Variants in IFIT1B observed in about 807,000 individuals in gnomAD.
IFIT1B encodes protein IFIT1 homolog B.
In IFIT1B, 3 loss-of-function variants were observed where a neutral mutation model predicts 2.5. That is an observed-to-expected ratio of 1.21 (90% CI 0.55 to 3.14). IFIT1B has a LOEUF of 3.14. IFIT1B is among the 30% of genes most tolerant of loss of function. The pLI, the probability that IFIT1B is intolerant of heterozygous loss-of-function variation, is 0.03. For synonymous variants in IFIT1B, 196 were observed against 203.0 expected, an observed-to-expected ratio of 0.97 and a Z score of 0.29; for missense variants, 545 against 556.5, an observed-to-expected ratio of 0.98 and a Z score of 0.21.
At position 89,379,194 on chromosome 10, in the gene IFIT1B, T is replaced by C. The variant is rs187302031; in HGVS notation, c.5+1054T>C. Among the ~76,000 whole-genome samples the C allele has an allele frequency of 9.7e-4, 148 of 152,370 alleles. 2 individuals carry two copies. The highest frequency in any genetic ancestry group is 2.7e-3 in the Admixed American group (42 of 15,310). On this transcript the variant is annotated intron_variant, in intron 1 of 1. Coordinates refer to ENST00000371809, the MANE Select transcript of IFIT1B (RefSeq NM_001010987.2). ...TGTGAAACTATGAAATTGTGATTAC[T>C]ATGAAATTTGCTTTTCACTGAATTA...
At chr10:89,378,828 C>A (rs1844141026) in intron 1 of IFIT1B, among the ~76,000 whole-genome samples, 2 of 152,166 alleles carry the variant, frequency 1.3e-5, no homozygotes, top group African/African-American at 4.8e-5. Context: ...AGCAGCAATG[C>A]TCTTAAGGAA....
intron 1 of IFIT1B, among the ~76,000 whole-genome samples, chr10:89,380,725 G>A (rs570795580): frequency 6.6e-6 from 1 of 152,264 alleles, no homozygotes; most frequent in Middle Eastern, 3.4e-3. Flanking sequence ...TAGCCACCAC[G>A]CTGGGGCCTA....
chr10:89,379,036 C>A (rs929723085), intron 1 of IFIT1B, among the ~76,000 whole-genome samples: 2 of 152,088 alleles, frequency 1.3e-5, no homozygotes, highest in Non-Finnish European at 2.9e-5. Flanking sequence ...TTTTAGGCAT[C>A]CAGGTGAGAA....
chr10:89,380,900 G>T (rs374587352), intron 1 of IFIT1B, among the ~76,000 whole-genome samples: 3 of 152,330 alleles, frequency 2.0e-5, no homozygotes, highest in African/African-American at 2.4e-5. Flanking sequence ...GAAGATACAT[G>T]TTGATGAACA....
chr10:89,383,911 G>C lies in IFIT1B; in HGVS notation c.598G>C (p.Ala200Pro). ...TAACACAGCATCAGGGAGGAATAAG[G>C]CATTTTCTCTGCACGTCCTAAAACG... ...KFNTASGRNK[A>P]FSLHVLKRAV... is the part of the protein sequence containing the mutation. The change falls in exon 2 of 2, where the codon GCA (alanine) becomes CCA (proline). Residue 200 changes from alanine to proline, a missense_variant. By Grantham distance (27) the Ala-to-Pro change is conservative. Transcript: ENST00000371809. 6.2e-7 allele frequency: 1 copy of C among 1,614,166 alleles called. No individual in the cohort carries two copies. Among genetic ancestry groups the C allele is most frequent in the Non-Finnish European group, 8.5e-7 (1 of 1,180,036 alleles).
rs751615023 is a variant in IFIT1B, at chr10:89,378,133, A to G, written c.-3A>G. 1.3e-4 allele frequency: 202 copies of G among 1,613,954 alleles called. No homozygotes were observed. Among genetic ancestry groups the G allele is most frequent in the Admixed American group, 2.5e-4 (15 of 60,004 alleles). On this transcript the variant is annotated 5_prime_UTR_variant, in exon 1 of 2. Transcript: ENST00000371809. The stretch of plus-strand genomic sequence containing the variant: ...ACAGATCACCTGCTATCTTCATAGC[A>G]CCATGAGGTAAAGTCTTTCTCTGCT...
At position 89,383,364 on chromosome 10, in the gene IFIT1B, G is replaced by A. The variant is rs1396438998; in HGVS notation, c.51G>A (p.Leu17=). 1 of 1,614,068 alleles carries A rather than the reference G, an allele frequency of 6.2e-7. No homozygotes were observed. The change falls in exon 2 of 2, where the codon CTG becomes CTA. Residue 17 remains leucine (L), a synonymous_variant. Transcript: ENST00000371809. ...TTATTGAAGACAGCCTGATTCAGCT[G>A]AGATGTCACTTTACATGGAAGTTGT... The part of the protein sequence containing the change: ...GKLIEDSLIQ[L]RCHFTWKLLI...
At chr10:89,382,748 T>C (rs1844172971) in intron 1 of IFIT1B, among the ~76,000 whole-genome samples, 1 of 152,256 alleles carries the variant, frequency 6.6e-6, no homozygotes, top group Non-Finnish European at 1.5e-5. Context: ...GTTGAGTAAG[T>C]GCACACAGGC....
intron 1 of IFIT1B, among the ~76,000 whole-genome samples, chr10:89,382,140 G>GTTATA (rs754137539): frequency 1.3e-5 from 2 of 151,810 alleles, no homozygotes; most frequent in Non-Finnish European, 2.9e-5. Flanking sequence ...TTAGATTATG[G>GTTATA]TTATATTATA....
At chr10:89,383,187 C>G in intron 1 of IFIT1B, 132 bp from the exon 2 acceptor site, 1 of 773,308 alleles carries the variant, frequency 1.3e-6, no homozygotes. Context: ...GACTGTAGAA[C>G]CCAGAGGGGC....
At chr10:89,381,367 T>G (rs1370994134) in intron 1 of IFIT1B, among the ~76,000 whole-genome samples, 2 of 152,088 alleles carry the variant, frequency 1.3e-5, no homozygotes, top group Non-Finnish European at 2.9e-5. Flanking sequence ...AATATTAATT[T>G]TACTTACTCC....
At chr10:89,380,481 T>C (rs1272847426) in intron 1 of IFIT1B, among the ~76,000 whole-genome samples, 1 of 151,336 alleles carries the variant, frequency 6.6e-6, no homozygotes, top group East Asian at 2.0e-4. Flanking sequence ...TGTCACCCAG[T>C]CTGGAGTGCA....
chr10:89,385,026 A>C lies in IFIT1B; in HGVS notation c.*288A>C, dbSNP rs1231079713. 5 of 346,114 alleles carry C rather than the reference A, an allele frequency of 1.4e-5. No individual in the cohort carries two copies. The highest frequency in any genetic ancestry group is 1.0e-4 in the African/African-American group (5 of 48,414). The allele number at this position is 346,114 out of a possible 1,614,324, so 21.4% of individuals were successfully genotyped here. A position where few individuals can be genotyped will look rare whatever the true frequency, so the allele number is the denominator to read the frequency against. On this transcript the variant is annotated 3_prime_UTR_variant, in exon 2 of 2. Transcript: ENST00000371809. Reference sequence around the variant, plus strand: ...GGAACATAGCAAGTAGTAACCGATCAAATTGCTATAACGTGTGTACTGACC... The same window carrying C: ...GGAACATAGCAAGTAGTAACCGATCCAATTGCTATAACGTGTGTACTGACC...
intron 1 of IFIT1B, among the ~76,000 whole-genome samples, chr10:89,381,971 T>C (rs1402496769): frequency 1.3e-5 from 2 of 152,084 alleles, no homozygotes; most frequent in Admixed American, 1.3e-4. Flanking sequence ...GGTTTCACCA[T>C]GTTGCCCAGG....
chr10:89,384,789 C>A lies in IFIT1B; in HGVS notation c.*51C>A. ...ATGGTCTTATAACTAAATAGAATGA[C>A]TATGAAATTAAATAATGCAAACTTA... On this transcript the variant is annotated 3_prime_UTR_variant, in exon 2 of 2. Transcript: ENST00000371809. 7.2e-7 allele frequency: 1 copy of A among 1,396,892 alleles called. No individual in the cohort carries two copies. Among genetic ancestry groups the A allele is most frequent in the Non-Finnish European group, 9.8e-7 (1 of 1,020,376 alleles). The allele number at this position is 1,396,892 out of a possible 1,614,324, so 86.5% of individuals were successfully genotyped here.
chr10:89,384,778 A>G lies in IFIT1B; in HGVS notation c.*40A>G. ...TTATCCATTTAATGGTCTTATAACT[A>G]AATAGAATGACTATGAAATTAAATA... On this transcript the variant is annotated 3_prime_UTR_variant, in exon 2 of 2. Transcript: ENST00000371809. The G allele has an allele frequency of 7.0e-7, 1 of 1,425,522 alleles. No homozygotes were observed. Among genetic ancestry groups the G allele is most frequent in the South Asian group, 1.3e-5 (1 of 76,522 alleles). The allele number at this position is 1,425,522 out of a possible 1,614,324, so 88.3% of individuals were successfully genotyped here. A position where few individuals can be genotyped will look rare whatever the true frequency, so the allele number is the denominator to read the frequency against.
chr10:89,384,717 T>C lies in IFIT1B; in HGVS notation c.1404T>C (p.Ala468=). ...LCYERALRLA[A]DLNPIF ...ATGAGAGGGCTCTGAGGCTGGCTGCTGACCTGAACCCTATATTTTAACATA... is the reference window on the plus strand; with the variant it reads ...ATGAGAGGGCTCTGAGGCTGGCTGCCGACCTGAACCCTATATTTTAACATA... Residue 468 remains alanine, a synonymous_variant, in exon 2 of 2, where the codon GCT becomes GCC. Coordinates refer to ENST00000371809, the MANE Select transcript of IFIT1B (RefSeq NM_001010987.2). 1 of 1,611,598 alleles carries C rather than the reference T, an allele frequency of 6.2e-7. No individual in the cohort carries two copies. Among genetic ancestry groups the C allele is most frequent in the Non-Finnish European group, 8.5e-7 (1 of 1,178,832 alleles).
In IFIT1B at chr10:89,378,073, C is replaced by T; in HGVS notation, c.-63C>T. On this transcript the variant is annotated 5_prime_UTR_variant, in exon 1 of 2. Transcript: ENST00000371809. ...GAAGCCCTAGAACTCTGTGGATGAA[C>T]CTTGAAGGAGCCTCCAAGCCTGAAC... is the stretch of plus-strand genomic sequence containing the variant. 5.7e-6 allele frequency: 9 copies of T among 1,584,054 alleles called. No homozygotes were observed. Among genetic ancestry groups the T allele is most frequent in the Non-Finnish European group, 5.2e-6 (6 of 1,155,940 alleles).
Position 89,384,887 on chromosome 10 carries a change from C to G in IFIT1B, c.*149C>G. On this transcript the variant is annotated 3_prime_UTR_variant, in exon 2 of 2. Transcript: ENST00000371809. Reference sequence around the variant, plus strand: ...TGTGTGGCCTGAGTTATGTAGCATGCAACTGCAACTTCTGCTTTTTCCTGT... The same window carrying G: ...TGTGTGGCCTGAGTTATGTAGCATGGAACTGCAACTTCTGCTTTTTCCTGT... The G allele has an allele frequency of 1.6e-6, 1 of 628,612 alleles. No individual in the cohort carries two copies. The highest frequency in any genetic ancestry group is 2.7e-6 in the Non-Finnish European group (1 of 374,546). 38.9% of individuals were successfully genotyped at this position (628,612 alleles called of 1,614,324 possible). A position where few individuals can be genotyped will look rare whatever the true frequency, so the allele number is the denominator to read the frequency against.
Sources: allele counts gnomAD v4.1 joint callset (sites outside exome capture counted in the v4.1 genomes callset), GRCh38; gene constraint gnomAD v4.1.1; transcripts MANE v1.5; gene names NCBI Gene and HGNC (gene_info 2026-07-23, HGNC 2026-07-21).